The following ADAM10 variants were observed in gnomAD, a reference collection of about 807,000 sequenced individuals.
ADAM10 encodes the protein ADAM metallopeptidase domain 10.
A neutral mutation model predicts 90.1 loss-of-function variants in ADAM10; 17 were observed. That is an observed-to-expected ratio of 0.19 (90% CI 0.13 to 0.28). The LOEUF (loss-of-function observed/expected upper bound fraction) is 0.28. Among genes scored for constraint, ADAM10 ranks in the 10% least tolerant of loss-of-function variants. ADAM10 has a pLI of 1.00. For missense variants in ADAM10, 610 were observed against 914.3 expected (o/e 0.67, Z 4.29); for synonymous variants, 310 against 298.6 (o/e 1.04, Z -0.40).
chr15:58,662,653 T>C (rs770002481), intron 5 of ADAM10, among the ~76,000 whole-genome samples: 2 of 152,170 alleles, frequency 1.3e-5, no homozygotes, highest in Non-Finnish European at 2.9e-5. Flanking sequence ...GGCCCAAGTA[T>C]TGTTTTTGAC....
chr15:58,692,115 C>G (rs749104572), intron 2 of ADAM10: 2 of 497,054 alleles, frequency 4.0e-6, no homozygotes, highest in South Asian at 3.0e-5. Flanking sequence ...ATCAAATCAT[C>G]AAAGCTGTCC....
At chr15:58,627,570 G>T in intron 10 of ADAM10, 130 bp downstream of exon 10, 1 of 757,418 alleles carries the variant, frequency 1.3e-6, no homozygotes, top group Non-Finnish European at 2.2e-6. Context: ...ACGAGATAAA[G>T]GGAATACAGC....
intron 5 of ADAM10, among the ~76,000 whole-genome samples, chr15:58,647,246 GTATTTTT>G (rs1285267916): frequency 1.9e-4 from 7 of 36,852 alleles, no homozygotes; most frequent in African/African-American, 5.1e-4. Context: ...TAGACACTAA[GTATTTTT>G]TTTTTTTTTT....
At chr15:58,700,817 C>T (rs1187806486) in intron 2 of ADAM10, among the ~76,000 whole-genome samples, 1 of 151,688 alleles carries the variant, frequency 6.6e-6, no homozygotes, top group East Asian at 1.9e-4. Context: ...GAGTTCGAGA[C>T]CAGCATGAGC....
At chr15:58,599,864 A>C (rs1469375820) in intron 14 of ADAM10, 140 bp from the exon 15 acceptor site, 1 of 750,426 alleles carries the variant, frequency 1.3e-6, no homozygotes, top group South Asian at 2.0e-5. Flanking sequence ...TTGTATACAT[A>C]TGTTAGATAT....
At chr15:58,683,451 A>G (rs546497942) in intron 2 of ADAM10, among the ~76,000 whole-genome samples, 24 of 152,352 alleles carry the variant, frequency 1.6e-4, no homozygotes, top group African/African-American at 5.5e-4. Flanking sequence ...TAAAAAATCC[A>G]AATTACAAAT....
chr15:58,669,156 T>C (rs1897141002), intron 4 of ADAM10, among the ~76,000 whole-genome samples: 2 of 152,150 alleles, frequency 1.3e-5, no homozygotes, highest in African/African-American at 4.8e-5. Flanking sequence ...ACATAGAACA[T>C]GCACTCTCAA....
At chr15:58,612,833 G>A (rs1297057866) in intron 11 of ADAM10, among the ~76,000 whole-genome samples, 1 of 152,204 alleles carries the variant, frequency 6.6e-6, no homozygotes, top group African/African-American at 2.4e-5. Flanking sequence ...GAGTAACCCA[G>A]AGTCACAGAT....
At chr15:58,725,301 C>T (rs1371934478) in intron 1 of ADAM10, among the ~76,000 whole-genome samples, 1 of 148,634 alleles carries the variant, frequency 6.7e-6, no homozygotes, top group Non-Finnish European at 1.5e-5. Flanking sequence ...GAGGCTAAGG[C>T]AGGAGGACTG....
intron 2 of ADAM10, among the ~76,000 whole-genome samples, chr15:58,702,759 T>TG (rs1443165162): frequency 6.6e-6 from 1 of 152,170 alleles, no homozygotes; most frequent in Non-Finnish European, 1.5e-5. Context: ...TTAAATCACA[T>TG]ATCAAAATTC....
intron 1 of ADAM10, among the ~76,000 whole-genome samples, chr15:58,746,707 T>C (rs186043264): frequency 2.1e-4 from 32 of 152,276 alleles, no homozygotes; most frequent in Admixed American, 1.5e-3. Context: ...GACGAGGAGT[T>C]TGAGACCAGC....
intron 2 of ADAM10, among the ~76,000 whole-genome samples, chr15:58,701,411 G>A (rs1898132315): frequency 6.6e-6 from 1 of 152,012 alleles, no homozygotes; most frequent in African/African-American, 2.4e-5. Context: ...TTACCATCAG[G>A]GAAATGCAAA....
intron 14 of ADAM10, among the ~76,000 whole-genome samples, chr15:58,605,528 A>G (rs1357576016): frequency 6.6e-6 from 1 of 152,250 alleles, no homozygotes; most frequent in Non-Finnish European, 1.5e-5. Flanking sequence ...AGGGAAAGGA[A>G]TACTAACTAG....
chr15:58,742,732 T>C (rs1344897221), intron 1 of ADAM10, among the ~76,000 whole-genome samples: 1 of 152,204 alleles, frequency 6.6e-6, no homozygotes, highest in African/African-American at 2.4e-5. Flanking sequence ...AATATAAAAA[T>C]CAACAGCTAG....
chr15:58,717,730 A>AT lies in ADAM10; in HGVS notation c.56-4dup, dbSNP rs772857101. The AT allele has an allele frequency of 6.2e-7, 1 of 1,609,826 alleles. No individual in the cohort carries two copies. The highest frequency in any genetic ancestry group is 8.5e-7 in the Non-Finnish European group (1 of 1,178,388). ...ATTTAAAGGATTCCCATACTGACCT[A>AT]TAAAAAAAAAACAACATTCTGAATT... On this transcript the variant is annotated splice_region_variant and splice_polypyrimidine_tract_variant and intron_variant, in intron 1 of 15. Coordinates refer to ENST00000260408, the MANE Select transcript of ADAM10 (RefSeq NM_001110.4).
chr15:58,620,013 C>G (rs1323569141), intron 11 of ADAM10, among the ~76,000 whole-genome samples: 1 of 151,992 alleles, frequency 6.6e-6, no homozygotes, highest in African/African-American at 2.4e-5. Context: ...CACATTCTTG[C>G]CCTGTTCACC....
chr15:58,628,294 GAC>G (rs1314148840), intron 9 of ADAM10, among the ~76,000 whole-genome samples: 1 of 152,102 alleles, frequency 6.6e-6, no homozygotes, highest in Non-Finnish European at 1.5e-5. Flanking sequence ...GGTGGGGAAA[GAC>G]AAAAGAATCA....
In ADAM10 at chr15:58,717,787, A is replaced by G. The variant is rs897592360; in HGVS notation, c.56-60T>C. The G allele has an allele frequency of 5.7e-6, 9 of 1,572,304 alleles. No homozygotes were observed. The Admixed American group carries it at 1.6e-4, about 28-fold the overall frequency. Reference sequence around the variant, plus strand: ...ATCTTGAAGACCCCTTCTAGTTCTAACACGATTATTCAAGTATCTATGAAT... The same window carrying G: ...ATCTTGAAGACCCCTTCTAGTTCTAGCACGATTATTCAAGTATCTATGAAT... On this transcript the variant is annotated intron_variant, in intron 1 of 15. Transcript: ENST00000260408.
At position 58,594,253 on chromosome 15, in the gene ADAM10, T is replaced by A. The variant is rs1453027828; in HGVS notation, c.*3294A>T. The A allele has an allele frequency of 6.6e-6, 1 of 152,158 alleles. No homozygotes were observed. Among genetic ancestry groups the A allele is most frequent in the African/African-American group, 2.4e-5 (1 of 41,434 alleles). The allele number at this position is 152,158 out of a possible 1,614,324, so 9.4% of individuals were successfully genotyped here. ...TACTCCTCCAGGTGAACTGTCCAGG[T>A]TTGTAATGCTTGACACTCTGATACC... On this transcript the variant is annotated 3_prime_UTR_variant, in exon 16 of 16. Coordinates refer to ENST00000260408, the MANE Select transcript of ADAM10 (RefSeq NM_001110.4).
Sources: gnomAD v4.1 joint callset for allele counts (sites outside exome capture counted in the v4.1 genomes callset) on GRCh38, gnomAD v4.1.1 for gene constraint, MANE v1.5 for transcripts, NCBI Gene and HGNC (gene_info 2026-07-23, HGNC 2026-07-21) for gene names.